The following WWOX variants were observed in gnomAD, a reference collection of about 807,000 sequenced individuals.
WWOX encodes the protein WW domain containing oxidoreductase, also known as WW domain-containing oxidoreductase.
A neutral mutation model predicts 46.2 loss-of-function variants in WWOX; 69 were observed. That is an observed-to-expected ratio of 1.49 (90% CI 1.23 to 1.82). The LOEUF (loss-of-function observed/expected upper bound fraction) is 1.82, where lower values mean the gene tolerates loss of function less well. Among genes scored for constraint, WWOX ranks in the 40% most tolerant of loss-of-function variants. The probability of loss-of-function intolerance (pLI) is 0.00; values close to 1 mark genes in which losing one functional copy is unlikely to be tolerated. For synonymous variants in WWOX, 359 were observed against 202.6 expected (o/e 1.77, Z -6.56); for missense variants, 919 against 542.6 (o/e 1.69, Z -6.89).
intron 5 of WWOX, among the ~76,000 whole-genome samples, chr16:78,386,061 C>T (rs11643855): frequency 0.68 from 103,156 of 151,970 alleles, 35,909 homozygotes; most frequent in Middle Eastern, 0.73. Context: ...TGGTTTCTTG[C>T]TAGGCGGGAA....
chr16:78,917,255 A>G (rs1298193833), intron 8 of WWOX, among the ~76,000 whole-genome samples: 1 of 152,236 alleles, frequency 6.6e-6, no homozygotes, highest in Non-Finnish European at 1.5e-5. Context: ...TCACGAACTG[A>G]GAGTCAGGAG....
chr16:78,959,529 G>T (rs960796137), intron 8 of WWOX, among the ~76,000 whole-genome samples: 7 of 152,028 alleles, frequency 4.6e-5, no homozygotes, highest in African/African-American at 1.7e-4. Context: ...TCATCCACCT[G>T]TTCATCCATT....
At chr16:78,593,717 T>C (rs1253203481) in intron 8 of WWOX, among the ~76,000 whole-genome samples, 4 of 125,132 alleles carry the variant, frequency 3.2e-5, no homozygotes, top group Non-Finnish European at 6.5e-5. Flanking sequence ...GAAAACTGCC[T>C]GTTGTAGTTA....
intron 8 of WWOX, among the ~76,000 whole-genome samples, chr16:78,631,496 A>G (rs1017757729): frequency 6.6e-6 from 1 of 150,976 alleles, no homozygotes; most frequent in African/African-American, 2.4e-5. Flanking sequence ...ATTGTCCTTT[A>G]TTATGAGATT....
At chr16:78,768,038 G>A (rs1414943553) in intron 8 of WWOX, among the ~76,000 whole-genome samples, 4 of 152,046 alleles carry the variant, frequency 2.6e-5, no homozygotes, top group Non-Finnish European at 5.9e-5. Context: ...TTTACATTGG[G>A]GAGGTTGGTA....
chr16:78,331,430 T>C (rs1444204260), intron 5 of WWOX, among the ~76,000 whole-genome samples: 2 of 152,248 alleles, frequency 1.3e-5, no homozygotes, highest in South Asian at 2.1e-4. Flanking sequence ...GATTACTTCA[T>C]GACAGTGTCT....
intron 8 of WWOX, among the ~76,000 whole-genome samples, chr16:78,857,652 C>T (rs533400722): frequency 1.2e-4 from 19 of 152,256 alleles, no homozygotes; most frequent in African/African-American, 3.6e-4. Context: ...TTTCATTTTC[C>T]TATAAAATGC....
intron 8 of WWOX, among the ~76,000 whole-genome samples, chr16:78,651,966 C>T (rs192295165): frequency 3.9e-5 from 6 of 152,156 alleles, no homozygotes; most frequent in African/African-American, 1.2e-4. Context: ...TTATCAGTTA[C>T]ATTATTATGA....
Position 78,728,967 on chromosome 16 carries a change from G to A in WWOX, c.1056+296215G>A, listed in dbSNP as rs139273553. The stretch of plus-strand genomic sequence containing the variant: ...GATTAGGATGGACTTTATTTCCTAA[G>A]TGAGAAACGTTGGCTTTAGTAAAAG... On this transcript the variant is annotated intron_variant, in intron 8 of 8. Coordinates refer to ENST00000566780, the MANE Select transcript of WWOX (RefSeq NM_016373.4). Among the ~76,000 whole-genome samples the A allele has an allele frequency of 4.6e-4, 70 of 152,262 alleles. 1 individual carries two copies. In the East Asian group the frequency reaches 0.013, roughly 29 times the overall value.
chr16:78,439,618 T>A (rs1275646691), intron 8 of WWOX, among the ~76,000 whole-genome samples: 1 of 152,202 alleles, frequency 6.6e-6, no homozygotes, highest in African/African-American at 2.4e-5. Flanking sequence ...CTACTCCCTT[T>A]TAGTTACATA....
chr16:78,334,850 ACACAC>A, intron 5 of WWOX, among the ~76,000 whole-genome samples: 1 of 146,162 alleles, frequency 6.8e-6, no homozygotes, highest in African/African-American at 2.7e-5. Context: ...ACACACACAC[ACACAC>A]AAAATCACCA....
At chr16:79,142,069 C>T (rs73580961) in intron 8 of WWOX, among the ~76,000 whole-genome samples, 2,381 of 152,236 alleles carry the variant, frequency 0.016, 67 homozygotes, top group African/African-American at 0.055. Context: ...CTCTTTTTCT[C>T]CTTCTTCTCC....
chr16:78,158,203 C>A (rs376544534), intron 4 of WWOX, among the ~76,000 whole-genome samples: 4 of 152,184 alleles, frequency 2.6e-5, no homozygotes, highest in African/African-American at 9.7e-5. Flanking sequence ...TTACTAGGCT[C>A]TTTCACATGG....
chr16:78,859,192 G>A (rs2052658802), intron 8 of WWOX, among the ~76,000 whole-genome samples: 1 of 151,324 alleles, frequency 6.6e-6, no homozygotes, highest in Non-Finnish European at 1.5e-5. Context: ...GAAGCAGGAT[G>A]AAGGGGCCTA....
chr16:78,320,316 C>A (rs985545692), intron 5 of WWOX, among the ~76,000 whole-genome samples: 1 of 152,094 alleles, frequency 6.6e-6, no homozygotes, highest in Admixed American at 6.6e-5. Flanking sequence ...TGTTTTTTAT[C>A]CCCTTCGGTG....
chr16:78,787,411 A>G (rs1597609378), intron 8 of WWOX, among the ~76,000 whole-genome samples: 1 of 152,288 alleles, frequency 6.6e-6, no homozygotes, highest in East Asian at 1.9e-4. Context: ...TATAAATGGA[A>G]TCACACAATA....
intron 8 of WWOX, among the ~76,000 whole-genome samples, chr16:78,769,998 C>T (rs1184802507): frequency 1.3e-5 from 2 of 151,954 alleles, no homozygotes; most frequent in African/African-American, 4.8e-5. Context: ...GAGCTATGAT[C>T]TCACCTCTGT....
chr16:78,916,413 G>A (rs1477488814), intron 8 of WWOX, among the ~76,000 whole-genome samples: 1 of 152,168 alleles, frequency 6.6e-6, no homozygotes, highest in Non-Finnish European at 1.5e-5. Flanking sequence ...AGACTGGCAA[G>A]ATGAGATTAT....
chr16:78,361,244 A>T, intron 5 of WWOX, among the ~76,000 whole-genome samples: 1 of 152,228 alleles, frequency 6.6e-6, no homozygotes, highest in Non-Finnish European at 1.5e-5. Flanking sequence ...AGAACATTAT[A>T]AAAATGATGT....
Sources: allele counts gnomAD v4.1 joint callset (sites outside exome capture counted in the v4.1 genomes callset), GRCh38; gene constraint gnomAD v4.1.1; transcripts MANE v1.5; gene names NCBI Gene and HGNC (gene_info 2026-07-23, HGNC 2026-07-21).